USP12: variants seen among roughly 807,000 people sequenced by gnomAD.
The protein encoded by USP12 is ubiquitin carboxyl-terminal hydrolase 12.
In USP12, 19 loss-of-function variants were observed where a neutral mutation model predicts 45.5. The observed-to-expected ratio is 0.42, with a 90% CI of 0.29 to 0.61. The LOEUF (loss-of-function observed/expected upper bound fraction) is 0.61. Ranked by LOEUF, USP12 falls within the 20% of genes least tolerant of loss-of-function variation. USP12 has a pLI of 0.22. For synonymous variants in USP12, 149 were observed against 148.8 expected (o/e 1.00, Z -0.01); for missense variants, 242 against 447.7 (o/e 0.54, Z 4.15).
intron 1 of USP12, among the ~76,000 whole-genome samples, chr13:27,126,227 G>C (rs961909454): frequency 1.6e-4 from 24 of 152,290 alleles, no homozygotes; most frequent in African/African-American, 5.5e-4. Flanking sequence ...AGTAGGGGCC[G>C]ACAGACACCT....
intron 1 of USP12, among the ~76,000 whole-genome samples, chr13:27,171,017 AC>A (rs1350550187): frequency 6.6e-6 from 1 of 151,906 alleles, no homozygotes; most frequent in Non-Finnish European, 1.5e-5. Context: ...TCTGCACTTG[AC>A]TTCCGTCCTC....
At chr13:27,111,197 T>C (rs1159165840) in intron 2 of USP12, among the ~76,000 whole-genome samples, 13 of 152,222 alleles carry the variant, frequency 8.5e-5, no homozygotes, top group Admixed American at 8.5e-4. Flanking sequence ...AATACTACTC[T>C]TTCTCCAGAA....
chr13:27,154,690 C>G (rs1405389512), intron 1 of USP12, among the ~76,000 whole-genome samples: 1 of 152,088 alleles, frequency 6.6e-6, no homozygotes, highest in African/African-American at 2.4e-5. Flanking sequence ...ATAACTGCCT[C>G]CCTCAAAATG....
intron 1 of USP12, among the ~76,000 whole-genome samples, chr13:27,119,453 A>C (rs143417278): frequency 1.3e-5 from 2 of 152,362 alleles, no homozygotes; most frequent in East Asian, 3.9e-4. Flanking sequence ...TCTGGATTTA[A>C]GAATCTTCAC....
intron 1 of USP12, among the ~76,000 whole-genome samples, chr13:27,153,784 G>T (rs1387581718): frequency 6.6e-6 from 1 of 152,086 alleles, no homozygotes; most frequent in Admixed American, 6.5e-5. Flanking sequence ...ATATTTACTG[G>T]GTATTCTTTC....
chr13:27,071,458 CAT>C lies in USP12; in HGVS notation c.933-311_933-310del, dbSNP rs1443002233. ...TCAATTTTGCTTCTATAATAAAAGA[CAT>C]ATTTTTCTATCATTTTATAAGGGAG... On this transcript the variant is annotated intron_variant, in intron 7 of 8. Coordinates refer to ENST00000282344, the MANE Select transcript of USP12 (RefSeq NM_182488.4). Among the ~76,000 whole-genome samples the C allele has an allele frequency of 3.3e-5, 5 of 152,174 alleles. No homozygotes were observed. In the East Asian group the frequency reaches 9.6e-4, roughly 29 times the overall value.
intron 1 of USP12, among the ~76,000 whole-genome samples, chr13:27,144,787 C>T (rs115634855): frequency 0.021 from 3,186 of 150,290 alleles, 118 homozygotes; most frequent in African/African-American, 0.074. Flanking sequence ...GAGCTGGACA[C>T]AGTGGTTCCT....
intron 1 of USP12, among the ~76,000 whole-genome samples, chr13:27,155,572 C>T (rs1036469080): frequency 3.9e-5 from 6 of 152,174 alleles, no homozygotes; most frequent in African/African-American, 1.4e-4. Context: ...CTGGTTAGTT[C>T]ATCTAATTTT....
At position 27,067,010 on chromosome 13, in the gene USP12, CCT is replaced by C. The variant is rs1268693404; in HGVS notation, c.*2271_*2272del. Reference sequence around the variant, plus strand: ...AAAACTGTCACCCCACAATCCCTCCCCTGACAAATCATACTATGAAGTACGGT... The same window carrying C: ...AAAACTGTCACCCCACAATCCCTCCCGACAAATCATACTATGAAGTACGGT... On this transcript the variant is annotated 3_prime_UTR_variant, in exon 9 of 9. Coordinates refer to ENST00000282344, the MANE Select transcript of USP12 (RefSeq NM_182488.4). 1 of 152,180 alleles carries C rather than the reference CCT, an allele frequency of 6.6e-6. No homozygotes were observed. The highest frequency in any genetic ancestry group is 1.5e-5 in the Non-Finnish European group (1 of 68,040). 9.4% of individuals were successfully genotyped at this position (152,180 alleles called of 1,614,324 possible). A position where few individuals can be genotyped will look rare whatever the true frequency, so the allele number is the denominator to read the frequency against.
intron 2 of USP12, among the ~76,000 whole-genome samples, 160 bp downstream of exon 2, chr13:27,116,356 C>T (rs1390059252): frequency 1.3e-5 from 2 of 151,112 alleles, no homozygotes; most frequent in Non-Finnish European, 2.9e-5. Flanking sequence ...CTTTGTTTCC[C>T]TTCCCTTAAA....
chr13:27,155,017 A>G (rs1877752506), intron 1 of USP12, among the ~76,000 whole-genome samples: 1 of 143,200 alleles, frequency 7.0e-6, no homozygotes, highest in Non-Finnish European at 1.5e-5. Flanking sequence ...AGCCAGACCC[A>G]CATAAACCTC....
intron 2 of USP12, among the ~76,000 whole-genome samples, chr13:27,115,308 A>C (rs1447622944): frequency 6.6e-6 from 1 of 152,202 alleles, no homozygotes; most frequent in Non-Finnish European, 1.5e-5. Flanking sequence ...AGGAGTAATG[A>C]GTAGCCTGTT....
chr13:27,145,459 T>C (rs1877270054), intron 1 of USP12, among the ~76,000 whole-genome samples: 1 of 152,210 alleles, frequency 6.6e-6, no homozygotes, highest in South Asian at 2.1e-4. Flanking sequence ...GCTTCCTGCA[T>C]AACCATTTTC....
At chr13:27,146,733 G>A (rs1021750404) in intron 1 of USP12, among the ~76,000 whole-genome samples, 1 of 152,070 alleles carries the variant, frequency 6.6e-6, no homozygotes, top group African/African-American at 2.4e-5. Flanking sequence ...TAATTCATCC[G>A]TTATGCATTG....
At chr13:27,084,222 T>C (rs1873901670) in intron 6 of USP12, among the ~76,000 whole-genome samples, 1 of 123,938 alleles carries the variant, frequency 8.1e-6, no homozygotes, top group African/African-American at 3.1e-5. Context: ...ACACACAAAT[T>C]CCTGTCTGGG....
At chr13:27,153,481 T>C (rs139272535) in intron 1 of USP12, among the ~76,000 whole-genome samples, 48 of 152,266 alleles carry the variant, frequency 3.2e-4, no homozygotes, top group African/African-American at 1.1e-3. Context: ...CTAGTAACAA[T>C]AAACTCCAAA....
At chr13:27,093,085 A>G (rs1874392146) in intron 4 of USP12, among the ~76,000 whole-genome samples, 1 of 152,012 alleles carries the variant, frequency 6.6e-6, no homozygotes, top group East Asian at 1.9e-4. Context: ...AATCCTGGCT[A>G]CTAGGGAGGC....
chr13:27,094,708 C>T (rs1173823410), intron 4 of USP12, among the ~76,000 whole-genome samples: 2 of 150,534 alleles, frequency 1.3e-5, no homozygotes, highest in Non-Finnish European at 3.0e-5. Flanking sequence ...AATATGAGAA[C>T]ATCTGATTTT....
chr13:27,130,561 C>CAAAA (rs5802413), intron 1 of USP12, among the ~76,000 whole-genome samples: 13 of 124,792 alleles, frequency 1.0e-4, no homozygotes, highest in African/African-American at 4.1e-4. Flanking sequence ...CAAAACATGC[C>CAAAA]AAAAAAAAAA....
Sources: allele counts gnomAD v4.1 joint callset (sites outside exome capture counted in the v4.1 genomes callset), GRCh38; gene constraint gnomAD v4.1.1; transcripts MANE v1.5; gene names NCBI Gene and HGNC (gene_info 2026-07-23, HGNC 2026-07-21).